The following GAS2L3 variants were observed in gnomAD, a reference collection of about 807,000 sequenced individuals.
GAS2L3 encodes GAS2-like protein 3.
A neutral mutation model predicts 37.0 loss-of-function variants in GAS2L3; 28 were observed. The observed-to-expected ratio is 0.76, with a 90% CI of 0.56 to 1.04. The LOEUF is 1.04. GAS2L3 is among the 50% of genes least tolerant of loss of function. GAS2L3 has a pLI of 0.00. For missense variants in GAS2L3, 793 were observed against 817.6 expected (o/e 0.97, Z 0.37); for synonymous variants, 290 against 296.6 (o/e 0.98, Z 0.23).
intron 1 of GAS2L3, among the ~76,000 whole-genome samples, chr12:100,581,561 G>T (rs565150309): frequency 6.6e-6 from 1 of 152,324 alleles, no homozygotes; most frequent in African/African-American, 2.4e-5. Flanking sequence ...CTGTTAACTG[G>T]TTGTACTGAT....
intron 8 of GAS2L3, among the ~76,000 whole-genome samples, chr12:100,621,416 A>G (rs749304270): frequency 8.6e-5 from 13 of 152,004 alleles, no homozygotes; most frequent in Non-Finnish European, 1.8e-4. Context: ...TATTTACTGC[A>G]GTTCTACCAT....
chr12:100,593,432 A>G (rs2136432978), intron 2 of GAS2L3, among the ~76,000 whole-genome samples: 1 of 152,292 alleles, frequency 6.6e-6, no homozygotes, highest in Admixed American at 6.5e-5. Context: ...AATATTGTGC[A>G]TAAATTCTTT....
intron 1 of GAS2L3, among the ~76,000 whole-genome samples, chr12:100,576,077 G>A (rs1593154003): frequency 6.6e-6 from 1 of 152,156 alleles, no homozygotes; most frequent in Admixed American, 6.5e-5. Context: ...AAAAAAAACA[G>A]TGATATTTTG....
chr12:100,626,726 G>A lies in GAS2L3; in HGVS notation c.*1836G>A, dbSNP rs540683848. On this transcript the variant is annotated 3_prime_UTR_variant, in exon 10 of 10. Coordinates refer to ENST00000547754, the MANE Select transcript of GAS2L3 (RefSeq NM_174942.3). The stretch of plus-strand genomic sequence containing the variant: ...CAATATGTAATTTATGTTGTTTACA[G>A]TATATAAACACTAAGTTTTGTGTTA... The A allele has an allele frequency of 2.0e-5, 3 of 152,268 alleles. No homozygotes were observed. In the East Asian group the frequency reaches 5.8e-4, roughly 29 times the overall value. 9.4% of individuals were successfully genotyped at this position (152,268 alleles called of 1,614,324 possible). A position where few individuals can be genotyped will look rare whatever the true frequency, so the allele number is the denominator to read the frequency against.
intron 2 of GAS2L3, chr12:100,592,524 G>C (rs1377700472): frequency 5.3e-5 from 8 of 152,092 alleles, no homozygotes; most frequent in Admixed American, 5.2e-4. Context: ...ATTATGGTAT[G>C]AAGTCAAATT....
intron 5 of GAS2L3, among the ~76,000 whole-genome samples, chr12:100,609,278 C>A (rs1296684644): frequency 6.6e-6 from 1 of 152,222 alleles, no homozygotes; most frequent in Non-Finnish European, 1.5e-5. Flanking sequence ...TTCAGTCCCA[C>A]CTGAAGCTAG....
chr12:100,598,345 G>A (rs1046333410), intron 3 of GAS2L3, among the ~76,000 whole-genome samples: 1 of 151,988 alleles, frequency 6.6e-6, no homozygotes, highest in Non-Finnish European at 1.5e-5. Flanking sequence ...GAATATTCCC[G>A]ACCACTTATT....
intron 6 of GAS2L3, among the ~76,000 whole-genome samples, chr12:100,614,045 A>G (rs945264343): frequency 6.6e-6 from 1 of 152,206 alleles, no homozygotes; most frequent in African/African-American, 2.4e-5. Context: ...ATATCATTGC[A>G]TTTAGCATGT....
chr12:100,595,320 G>A (rs1399114401), intron 3 of GAS2L3, among the ~76,000 whole-genome samples: 1 of 151,020 alleles, frequency 6.6e-6, no homozygotes, highest in African/African-American at 2.4e-5. Context: ...ACAAATATAT[G>A]TTTTTAAATT....
intron 1 of GAS2L3, among the ~76,000 whole-genome samples, 151 bp from the exon 2 acceptor site, chr12:100,591,585 A>C (rs1955847230): frequency 6.6e-6 from 1 of 152,194 alleles, no homozygotes; most frequent in African/African-American, 2.4e-5. Context: ...AATTGGATAA[A>C]TTATATCAAA....
chr12:100,580,320 A>G (rs1354313649), intron 1 of GAS2L3: 7 of 343,610 alleles, frequency 2.0e-5, no homozygotes, highest in Non-Finnish European at 3.7e-5. Context: ...TTAGTAAGTT[A>G]TGCTACTTCT....
At chr12:100,616,675 C>G (rs905192753) in intron 6 of GAS2L3, among the ~76,000 whole-genome samples, 6 of 152,060 alleles carry the variant, frequency 3.9e-5, no homozygotes, top group Non-Finnish European at 7.4e-5. Flanking sequence ...TCTCAAACTC[C>G]TAGCCTCAAG....
chr12:100,624,555 G>A lies in GAS2L3; in HGVS notation c.1750G>A (p.Val584Ile). 1 of 1,614,022 alleles carries A rather than the reference G, an allele frequency of 6.2e-7. No homozygotes were observed. Among genetic ancestry groups the A allele is most frequent in the Non-Finnish European group, 8.5e-7 (1 of 1,180,010 alleles). Residue 584 changes from valine to isoleucine, a missense_variant, in exon 10 of 10, where the codon GTT becomes ATT. Transcript: ENST00000547754. The stretch of plus-strand genomic sequence containing the variant: ...ACAGAAATCAAAAGATAAGAATATA[G>A]TTTCAGCTACCAAAAAGCAGCCTCA... ...ATQKSKDKNI[V>I]SATKKQPQNK...
Position 100,624,236 on chromosome 12 carries a change from T to C in GAS2L3, c.1431T>C (p.Asn477=), listed in dbSNP as rs1045602. The C allele has an allele frequency of 0.49, 791,861 of 1,613,554 alleles. 200,922 individuals are homozygous for C. Among genetic ancestry groups the C allele is most frequent in the Non-Finnish European group, 0.53 (628,171 of 1,179,752 alleles). The change falls in exon 10 of 10, where the codon AAT becomes AAC. Residue 477 remains asparagine, a synonymous_variant. Transcript: ENST00000547754. The stretch of plus-strand genomic sequence containing the variant: ...CTCAACCTAAGTATTTGAAACATAA[T>C]CATATTTCTTCCAGAGATAATGCAG... ...GKTQPKYLKH[N]HISSRDNAVS... is the part of the protein sequence containing the mutation.
At chr12:100,613,556 A>G (rs965544878) in intron 6 of GAS2L3, among the ~76,000 whole-genome samples, 7 of 151,998 alleles carry the variant, frequency 4.6e-5, no homozygotes, top group African/African-American at 1.7e-4. Context: ...GGGGTGTATA[A>G]TAGATGCTAT....
At chr12:100,589,365 C>G (rs1000278444) in intron 1 of GAS2L3, among the ~76,000 whole-genome samples, 2 of 151,850 alleles carry the variant, frequency 1.3e-5, no homozygotes, top group Admixed American at 1.3e-4. Flanking sequence ...TATACCTAAC[C>G]AAGGAGTCAA....
intron 6 of GAS2L3, among the ~76,000 whole-genome samples, chr12:100,614,103 A>G (rs1956158980): frequency 6.6e-6 from 1 of 152,126 alleles, no homozygotes; most frequent in African/African-American, 2.4e-5. Flanking sequence ...ATCTCTGTTT[A>G]CCTTTATATT....
chr12:100,575,748 G>A (rs1260374970), intron 1 of GAS2L3, among the ~76,000 whole-genome samples: 4 of 152,008 alleles, frequency 2.6e-5, no homozygotes, highest in Non-Finnish European at 5.9e-5. Flanking sequence ...AAAGCTCTGG[G>A]ATTACAGGCA....
At chr12:100,604,468 G>A (rs1031272171) in intron 5 of GAS2L3, among the ~76,000 whole-genome samples, 6 of 117,432 alleles carry the variant, frequency 5.1e-5, no homozygotes, top group African/African-American at 1.7e-4. Flanking sequence ...TTTATCAGCT[G>A]TAGTTGTTTT....
Sources: gnomAD v4.1 joint callset for allele counts (sites outside exome capture counted in the v4.1 genomes callset) on GRCh38, gnomAD v4.1.1 for gene constraint, MANE v1.5 for transcripts, NCBI Gene and HGNC (gene_info 2026-07-23, HGNC 2026-07-21) for gene names.